PDE4D: variants seen among roughly 807,000 people sequenced by gnomAD.
PDE4D encodes phosphodiesterase 4D, also known as 3',5'-cyclic-AMP phosphodiesterase 4D.
PDE4D carries 24 observed loss-of-function variants against 87.4 expected under a neutral mutation model. The ratio of observed to expected loss-of-function variants is 0.27; its 90% CI spans 0.20 to 0.39. The LOEUF (loss-of-function observed/expected upper bound fraction) is 0.39, where lower values mean the gene tolerates loss of function less well. PDE4D is among the 10% of genes least tolerant of loss of function. PDE4D has a pLI of 1.00. For missense variants in PDE4D, 714 were observed against 1,041.0 expected (o/e 0.69, Z 4.32); for synonymous variants, 384 against 383.2 (o/e 1.00, Z -0.02).
At chr5:59,538,515 C>T (rs992110701) in intron 1 of PDE4D, among the ~76,000 whole-genome samples, 7 of 152,102 alleles carry the variant, frequency 4.6e-5, no homozygotes, top group Non-Finnish European at 5.9e-5. Context: ...TGCCAGTTCC[C>T]GTTCAATCTA....
In PDE4D at chr5:58,974,841, G is replaced by C; in HGVS notation, c.2253C>G (p.Asp751Glu). ...EEDGESDTEK[D>E]SGSQVEEDTS... ...TGTCTTCTTCCACTTGACTGCCACT[G>C]TCCTTTTCCGTGTCTGACTCACCAT... The change falls in exon 15 of 15, where the codon GAC (aspartate) becomes GAG (glutamate). Residue 751 changes from aspartate to glutamate, a missense_variant. By Grantham distance (45) the Asp-to-Glu change is conservative. Around this residue, in one of 7 missense-constraint regions of PDE4D, gnomAD observed 90 missense variants for 95.3 expected, o/e 0.94. Coordinates refer to ENST00000340635, the MANE Select transcript of PDE4D (RefSeq NM_001104631.2). The C allele has an allele frequency of 6.2e-7, 1 of 1,613,224 alleles. No homozygotes were observed. Among genetic ancestry groups the C allele is most frequent in the Non-Finnish European group, 8.5e-7 (1 of 1,179,412 alleles).
chr5:60,326,647 G>T (rs528370229), intron 1 of PDE4D, among the ~76,000 whole-genome samples: 2 of 152,146 alleles, frequency 1.3e-5, no homozygotes, highest in Admixed American at 6.6e-5. Context: ...ACTACTATTT[G>T]TTACTGTGAT....
intron 1 of PDE4D, among the ~76,000 whole-genome samples, chr5:59,742,346 G>A (rs889001062): frequency 6.6e-6 from 1 of 152,134 alleles, no homozygotes; most frequent in Non-Finnish European, 1.5e-5. Context: ...TTACAGGCGT[G>A]AGCCACTGCG....
intron 2 of PDE4D, chr5:59,215,492 C>T (rs370031824): frequency 2.3e-4 from 82 of 363,612 alleles, no homozygotes; most frequent in East Asian, 1.5e-3. Context: ...GTGTTAGTTT[C>T]CATTAAAAAT....
At chr5:60,313,439 A>G (rs1755236164) in intron 1 of PDE4D, among the ~76,000 whole-genome samples, 1 of 152,180 alleles carries the variant, frequency 6.6e-6, no homozygotes, top group East Asian at 1.9e-4. Context: ...AATCAGTAAT[A>G]AAACACCTAC....
intron 6 of PDE4D, among the ~76,000 whole-genome samples, chr5:58,996,173 T>C (rs1267666933): frequency 2.0e-5 from 3 of 152,060 alleles, no homozygotes; most frequent in Non-Finnish European, 4.4e-5. Flanking sequence ...TTAGGCAAAA[T>C]ACCTAATGTA....
intron 5 of PDE4D, chr5:59,091,151 A>T: frequency 2.2e-6 from 1 of 452,636 alleles, no homozygotes; most frequent in South Asian, 1.6e-5. Context: ...AAAGAAAGAA[A>T]ATCCAAGTGT....
At chr5:59,345,984 A>T (rs1779547350) in intron 1 of PDE4D, among the ~76,000 whole-genome samples, 1 of 152,216 alleles carries the variant, frequency 6.6e-6, no homozygotes, top group East Asian at 1.9e-4. Flanking sequence ...ATCCATCAAC[A>T]CTAGAATAAG....
intron 1 of PDE4D, among the ~76,000 whole-genome samples, chr5:60,235,933 C>T (rs976716125): frequency 5.3e-5 from 8 of 151,862 alleles, no homozygotes; most frequent in African/African-American, 1.9e-4. Context: ...AATTCATCCC[C>T]ACACAAATAC....
At chr5:59,201,426 G>T (rs963621487) in intron 2 of PDE4D, among the ~76,000 whole-genome samples, 1 of 151,958 alleles carries the variant, frequency 6.6e-6, no homozygotes, top group African/African-American at 2.4e-5. Flanking sequence ...TAAAAGAGAT[G>T]ATTTGTTTTT....
chr5:60,408,735 G>A (rs959527250), intron 1 of PDE4D, among the ~76,000 whole-genome samples: 3 of 152,164 alleles, frequency 2.0e-5, no homozygotes, highest in East Asian at 1.9e-4. Flanking sequence ...TTAAGAGGCA[G>A]TGCTAGCCCA....
At chr5:59,783,038 T>G (rs1178157687) in intron 1 of PDE4D, among the ~76,000 whole-genome samples, 1 of 152,160 alleles carries the variant, frequency 6.6e-6, no homozygotes, top group Non-Finnish European at 1.5e-5. Flanking sequence ...AATGTATTAC[T>G]CCATCCAAAG....
Position 59,930,014 on chromosome 5 carries a change from G to A in PDE4D, c.272+58474C>T, listed in dbSNP as rs868445400. Among the ~76,000 whole-genome samples the A allele has an allele frequency of 4.3e-4, 66 of 152,092 alleles. 1 individual carries two copies. Among genetic ancestry groups the A allele is most frequent in the Middle Eastern group, 3.4e-3 (1 of 294 alleles). On this transcript the variant is annotated intron_variant, in intron 3 of 16. Transcript: ENST00000502484. ...CCCTAGTCTCAAGGTACCTGTTAGT[G>A]GATTAAAAATCGGCCCCATCGCCTG...
At chr5:59,626,326 T>C (rs1830902196) in intron 1 of PDE4D, among the ~76,000 whole-genome samples, 1 of 152,244 alleles carries the variant, frequency 6.6e-6, no homozygotes, top group Non-Finnish European at 1.5e-5. Context: ...AGTTTATGTG[T>C]ATATCAAAAC....
chr5:59,545,415 C>A (rs1817102486), intron 1 of PDE4D, among the ~76,000 whole-genome samples: 1 of 152,088 alleles, frequency 6.6e-6, no homozygotes, highest in South Asian at 2.1e-4. Context: ...TATTAGTTTA[C>A]CCAGTTTCAT....
intron 1 of PDE4D, among the ~76,000 whole-genome samples, chr5:59,570,907 A>G (rs1821726511): frequency 6.6e-6 from 1 of 152,232 alleles, no homozygotes; most frequent in African/African-American, 2.4e-5. Context: ...ACATTTGAAT[A>G]AATTAGCAAA....
chr5:59,754,842 C>A (rs1195451076), intron 1 of PDE4D, among the ~76,000 whole-genome samples: 1 of 125,344 alleles, frequency 8.0e-6, no homozygotes, highest in African/African-American at 3.1e-5. Context: ...GTGCAGCTAC[C>A]AGGTAAGAAC....
rs186407586 is a variant in PDE4D at position 59,816,762 on chromosome 5, A to G, written c.455+76406T>C. ...TAAAGCTTAGAAGGATTTCCTTCCT[A>G]AGAAATACCCAGTTTTGCTGCCAAA... On this transcript the variant is annotated intron_variant, in intron 1 of 14. Transcript: ENST00000340635. 2.0e-5 allele frequency among the ~76,000 whole-genome samples: 3 copies of G among 152,282 alleles called. No homozygotes were observed. In the East Asian group the frequency reaches 5.8e-4, roughly 29 times the overall value.
At chr5:59,481,399 A>G (rs1483365803) in intron 1 of PDE4D, among the ~76,000 whole-genome samples, 1 of 151,976 alleles carries the variant, frequency 6.6e-6, no homozygotes, top group African/African-American at 2.4e-5. Context: ...TCGAGTCAAG[A>G]AGCCTAGTCT....
Sources: allele counts gnomAD v4.1 joint callset (sites outside exome capture counted in the v4.1 genomes callset), GRCh38; gene constraint gnomAD v4.1.1; regional missense constraint gnomAD v4.1.1; transcripts MANE v1.5; gene names NCBI Gene and HGNC (gene_info 2026-07-23, HGNC 2026-07-21).